The following PALM2AKAP2 variants were observed in gnomAD, a reference collection of about 807,000 sequenced individuals.
PALM2AKAP2 encodes the protein PALM2-AKAP2 fusion protein.
PALM2AKAP2 carries 37 observed loss-of-function variants against 71.5 expected under a neutral mutation model. That is an observed-to-expected ratio of 0.52 (90% CI 0.40 to 0.68). The LOEUF (loss-of-function observed/expected upper bound fraction) is 0.68, where lower values mean the gene tolerates loss of function less well. PALM2AKAP2 is among the 30% of genes least tolerant of loss of function. The pLI, the probability that PALM2AKAP2 is intolerant of heterozygous loss-of-function variation, is 0.00. For synonymous variants in PALM2AKAP2, 468 were observed against 478.8 expected, an observed-to-expected ratio of 0.98 and a Z score of 0.29; for missense variants, 1,224 against 1,191.8, an observed-to-expected ratio of 1.03 and a Z score of -0.40.
intron 6 of PALM2AKAP2, among the ~76,000 whole-genome samples, chr9:109,979,515 C>G (rs1372865935): frequency 6.6e-6 from 1 of 152,244 alleles, no homozygotes; most frequent in Non-Finnish European, 1.5e-5. Context: ...TTAAAGGTGT[C>G]TTGCTTCATC....
intron 1 of PALM2AKAP2, among the ~76,000 whole-genome samples, chr9:109,807,569 T>C (rs903546913): frequency 1.3e-5 from 2 of 151,804 alleles, no homozygotes; most frequent in African/African-American, 2.4e-5. Flanking sequence ...CTTTTTTTTT[T>C]TTTTGTCTGA....
intron 1 of PALM2AKAP2, among the ~76,000 whole-genome samples, chr9:109,773,093 G>A (rs1473668292): frequency 6.6e-6 from 1 of 152,018 alleles, no homozygotes; most frequent in East Asian, 1.9e-4. Context: ...ACTCCAGTCT[G>A]GGTGACAGAG....
chr9:109,783,249 T>C (rs1483615658), intron 1 of PALM2AKAP2, among the ~76,000 whole-genome samples: 3 of 152,062 alleles, frequency 2.0e-5, no homozygotes, highest in African/African-American at 7.2e-5. Flanking sequence ...AGCCCTTAGC[T>C]TTTGTCTGTA....
At chr9:110,121,028 T>C (rs1326442045) in intron 1 of PALM2AKAP2, among the ~76,000 whole-genome samples, 1 of 152,212 alleles carries the variant, frequency 6.6e-6, no homozygotes, top group East Asian at 1.9e-4. Flanking sequence ...TTCTCAACCC[T>C]CTGCTCTGTA....
chr9:109,871,055 A>G (rs1829591218), intron 2 of PALM2AKAP2, among the ~76,000 whole-genome samples: 1 of 152,360 alleles, frequency 6.6e-6, no homozygotes, highest in Admixed American at 6.5e-5. Context: ...ATTATCAGAT[A>G]GCCTGTGGAC....
At chr9:110,034,718 C>A (rs1023318897) in intron 7 of PALM2AKAP2, among the ~76,000 whole-genome samples, 1 of 151,036 alleles carries the variant, frequency 6.6e-6, no homozygotes, top group African/African-American at 2.4e-5. Context: ...GATTCTCCTG[C>A]CTCAGCCTCC....
At chr9:110,137,604 A>G (rs777028209) in exon 2 of PALM2AKAP2, 5 of 1,614,144 alleles carry the variant, frequency 3.1e-6, no homozygotes, top group Middle Eastern at 1.6e-4. Context: ...GGGATTTTGG[A>G]TCAGTTCTCA....
intron 1 of PALM2AKAP2, among the ~76,000 whole-genome samples, chr9:109,748,732 A>G (rs1171923359): frequency 6.6e-6 from 1 of 152,170 alleles, no homozygotes; most frequent in South Asian, 2.1e-4. Context: ...AGTACCAGAG[A>G]CTGGGTGGCT....
At chr9:110,019,093 G>C (rs112155451) in intron 7 of PALM2AKAP2, among the ~76,000 whole-genome samples, 3 of 151,882 alleles carry the variant, frequency 2.0e-5, no homozygotes, top group Non-Finnish European at 2.9e-5. Flanking sequence ...ACAAAAATTA[G>C]CCGGGTGTGA....
chr9:110,048,736 C>T (rs767520370), exon 1 of PALM2AKAP2: 32 of 1,371,286 alleles, frequency 2.3e-5, no homozygotes, highest in Non-Finnish European at 3.0e-5. Flanking sequence ...CGCTCGCCTT[C>T]CCCCGGAGTC....
intron 1 of PALM2AKAP2, among the ~76,000 whole-genome samples, chr9:110,130,431 A>C (rs1835708103): frequency 6.6e-6 from 1 of 152,216 alleles, no homozygotes; most frequent in Non-Finnish European, 1.5e-5. Context: ...CCTGTGTTGT[A>C]AATTAAGCCA....
At chr9:109,795,776 G>A (rs1376054083) in intron 1 of PALM2AKAP2, among the ~76,000 whole-genome samples, 1 of 152,248 alleles carries the variant, frequency 6.6e-6, no homozygotes, top group East Asian at 1.9e-4. Context: ...TTACTGCTGA[G>A]CCCTGTGCCA....
intron 1 of PALM2AKAP2, among the ~76,000 whole-genome samples, chr9:110,096,952 ATTTATTTATTAT>A (rs1564302672): frequency 2.6e-4 from 32 of 123,414 alleles, no homozygotes; most frequent in African/African-American, 1.2e-3. Context: ...TTATTTATTT[ATTTATTTATTAT>A]TTTTTTTATT....
intron 1 of PALM2AKAP2, among the ~76,000 whole-genome samples, chr9:109,762,833 CT>C (rs1730995511): frequency 1.3e-5 from 2 of 152,210 alleles, no homozygotes; most frequent in Non-Finnish European, 2.9e-5. Context: ...CTCCTTTTAT[CT>C]CAATGCCCCT....
intron 1 of PALM2AKAP2, among the ~76,000 whole-genome samples, chr9:109,709,221 G>A (rs1473250996): frequency 6.6e-6 from 1 of 152,242 alleles, no homozygotes; most frequent in Non-Finnish European, 1.5e-5. Flanking sequence ...GGATCTGGCT[G>A]TAACTTTGGG....
intron 1 of PALM2AKAP2, among the ~76,000 whole-genome samples, chr9:109,728,836 C>T (rs1828513368): frequency 6.6e-6 from 1 of 152,132 alleles, no homozygotes; most frequent in African/African-American, 2.4e-5. Flanking sequence ...CCTATTTCCT[C>T]ATTCAGGAAC....
At chr9:110,059,624 A>G (rs1368685356) in intron 1 of PALM2AKAP2, among the ~76,000 whole-genome samples, 1 of 152,200 alleles carries the variant, frequency 6.6e-6, no homozygotes, top group African/African-American at 2.4e-5. Context: ...AGGTGGGGGC[A>G]GTGACCGGCC....
chr9:109,663,275 T>C (rs1223049666), intron 1 of PALM2AKAP2, among the ~76,000 whole-genome samples: 2 of 152,224 alleles, frequency 1.3e-5, no homozygotes, highest in Non-Finnish European at 2.9e-5. Context: ...TTAATTGTGA[T>C]GTTAGGGTGT....
intron 1 of PALM2AKAP2, among the ~76,000 whole-genome samples, chr9:109,731,080 T>G (rs2479312): frequency 0.15 from 22,342 of 152,204 alleles, 2,060 homozygotes; most frequent in Non-Finnish European, 0.21. Flanking sequence ...AATGCAGATG[T>G]TAAACTAATT....
Sources: gnomAD v4.1 joint callset for allele counts (sites outside exome capture counted in the v4.1 genomes callset) on GRCh38, gnomAD v4.1.1 for gene constraint, MANE v1.5 for transcripts, NCBI Gene and HGNC (gene_info 2026-07-23, HGNC 2026-07-21) for gene names.